Variants in NEK11 observed in about 807,000 individuals in gnomAD.
The protein encoded by NEK11 is NIMA related kinase 11.
NEK11 carries 72 observed loss-of-function variants against 80.7 expected under a neutral mutation model. The ratio of observed to expected loss-of-function variants is 0.89; its 90% CI spans 0.74 to 1.08. NEK11 has a LOEUF of 1.08. Ranked by LOEUF, NEK11 falls within the 50% of genes least tolerant of loss-of-function variation. NEK11 has a pLI of 0.00. For synonymous variants in NEK11, 251 were observed against 260.7 expected (o/e 0.96, Z 0.36); for missense variants, 764 against 763.6 (o/e 1.00, Z -0.01).
intron 14 of NEK11, among the ~76,000 whole-genome samples, chr3:131,199,664 A>G (rs1237931496): frequency 6.6e-6 from 1 of 152,132 alleles, no homozygotes; most frequent in Non-Finnish European, 1.5e-5. Context: ...TGAACAAAAA[A>G]CTACAAATAG....
intron 15 of NEK11, among the ~76,000 whole-genome samples, chr3:131,230,564 G>T (rs2095309586): frequency 6.6e-6 from 1 of 152,032 alleles, no homozygotes; most frequent in Non-Finnish European, 1.5e-5. Context: ...ACCTCTTTAT[G>T]ATACTGCCAA....
At chr3:131,274,478 G>A (rs1175967215) in intron 17 of NEK11, among the ~76,000 whole-genome samples, 18 of 151,330 alleles carry the variant, frequency 1.2e-4, no homozygotes, top group Admixed American at 7.9e-4. Flanking sequence ...ATACCCAGTA[G>A]TGGGATGGCT....
intron 3 of NEK11, among the ~76,000 whole-genome samples, chr3:131,069,556 A>C (rs1250508410): frequency 6.6e-6 from 1 of 152,114 alleles, no homozygotes; most frequent in African/African-American, 2.4e-5. Flanking sequence ...TATTCGCAAT[A>C]GCAAAGACTT....
chr3:131,197,276 G>A (rs536638406), intron 14 of NEK11, among the ~76,000 whole-genome samples: 1 of 152,254 alleles, frequency 6.6e-6, no homozygotes, highest in African/African-American at 2.4e-5. Context: ...CTGCTGAATT[G>A]GGGCGTAGTG....
At chr3:131,046,426 G>A (rs941870251) in intron 3 of NEK11, among the ~76,000 whole-genome samples, 1 of 152,126 alleles carries the variant, frequency 6.6e-6, no homozygotes, top group Non-Finnish European at 1.5e-5. Flanking sequence ...GGAGGCTAAA[G>A]ATAGGGTCCC....
intron 3 of NEK11, 37 bp downstream of exon 3, chr3:131,029,915 T>C (rs758760260): frequency 1.5e-5 from 24 of 1,596,794 alleles, no homozygotes; most frequent in Non-Finnish European, 2.1e-5. Context: ...TTGAGTAGGC[T>C]GCTTTTTGTT....
intron 16 of NEK11, among the ~76,000 whole-genome samples, chr3:131,255,066 C>CAGAAAGAAGGAAAGAA (rs1198130845): frequency 7.9e-4 from 90 of 113,734 alleles, no homozygotes; most frequent in Non-Finnish European, 1.1e-3. Flanking sequence ...GACAGACAGA[C>CAGAAAGAAGGAAAGAA]AGACAGAAAG....
At chr3:131,265,198 C>A (rs140865973) in intron 16 of NEK11, among the ~76,000 whole-genome samples, 1 of 151,972 alleles carries the variant, frequency 6.6e-6, no homozygotes, top group East Asian at 1.9e-4. Context: ...TATTTGAATA[C>A]CCTGTATTTC....
rs552888066 is a variant in NEK11 at position 131,182,417 on chromosome 3, G to A, written c.1399+11530G>A. Reference sequence around the variant, plus strand: ...TCCACTTCTGTCTTCAGGGAAGTATGTGAAGTCGCCAGCATTTATAACTCA... The same window carrying A: ...TCCACTTCTGTCTTCAGGGAAGTATATGAAGTCGCCAGCATTTATAACTCA... On this transcript the variant is annotated intron_variant, in intron 14 of 17. Transcript: ENST00000383366. 1.1e-4 allele frequency among the ~76,000 whole-genome samples: 17 copies of A among 152,306 alleles called. No individual in the cohort carries two copies. In the South Asian group the frequency reaches 3.5e-3, roughly 32 times the overall value.
At chr3:131,218,326 C>G (rs1450939061) in intron 14 of NEK11, among the ~76,000 whole-genome samples, 2 of 152,102 alleles carry the variant, frequency 1.3e-5, no homozygotes, top group East Asian at 1.9e-4. Context: ...AGGAGCTGAG[C>G]AAGGATGTGG....
At chr3:131,249,360 G>A (rs114131729) in intron 16 of NEK11, among the ~76,000 whole-genome samples, 1,581 of 152,170 alleles carry the variant, frequency 0.01, 30 homozygotes, top group African/African-American at 0.036. Context: ...CTCAACTACC[G>A]CTGAAGGCAT....
At position 131,349,916 on chromosome 3, in the gene NEK11, C is replaced by G; in HGVS notation, c.*140C>G. On this transcript the variant is annotated 3_prime_UTR_variant, in exon 18 of 18. Coordinates refer to ENST00000383366, the MANE Select transcript of NEK11 (RefSeq NM_024800.5). Reference sequence around the variant, plus strand: ...GACTTTCAATTCCTCATCAGAAGTACTGGCTTCTTTAGAGAGTAGTAAGCA... The same window carrying G: ...GACTTTCAATTCCTCATCAGAAGTAGTGGCTTCTTTAGAGAGTAGTAAGCA... The G allele has an allele frequency of 1.5e-6, 1 of 660,496 alleles. No homozygotes were observed. Among genetic ancestry groups the G allele is most frequent in the Non-Finnish European group, 2.6e-6 (1 of 387,594 alleles). The allele number at this position is 660,496 out of a possible 1,614,324, so 40.9% of individuals were successfully genotyped here. A position where few individuals can be genotyped will look rare whatever the true frequency, so the allele number is the denominator to read the frequency against.
intron 10 of NEK11, among the ~76,000 whole-genome samples, chr3:131,157,934 A>G (rs1227760836): frequency 6.6e-6 from 1 of 152,116 alleles, no homozygotes; most frequent in Non-Finnish European, 1.5e-5. Flanking sequence ...GCTGATGTGA[A>G]GTCCAGAGGG....
At chr3:131,329,385 G>A (rs965490218) in intron 17 of NEK11, 7 of 151,352 alleles carry the variant, frequency 4.6e-5, no homozygotes, top group African/African-American at 1.7e-4. Flanking sequence ...TGACTTTCAA[G>A]ACATCTACTC....
chr3:131,235,150 G>C (rs1449175017), intron 15 of NEK11, among the ~76,000 whole-genome samples: 3 of 152,162 alleles, frequency 2.0e-5, no homozygotes, highest in Non-Finnish European at 2.9e-5. Context: ...GCAAATAAAG[G>C]GACGGTGACC....
chr3:131,170,757 A>G lies in NEK11; in HGVS notation c.1285-16A>G, dbSNP rs1389915879. 1 of 1,498,890 alleles carries G rather than the reference A, an allele frequency of 6.7e-7. No individual in the cohort carries two copies. The highest frequency in any genetic ancestry group is 1.7e-5 in the Admixed American group (1 of 59,890). 92.8% of individuals were successfully genotyped at this position (1,498,890 alleles called of 1,614,324 possible). On this transcript the variant is annotated splice_polypyrimidine_tract_variant and intron_variant, in intron 13 of 17. Transcript: ENST00000383366. ...TTCTATCAGCATCTCATGAATTGTT[A>G]ATTACCTTCCACAAGGAATCTGATG... is the stretch of plus-strand genomic sequence containing the variant.
chr3:131,162,674 C>A, intron 11 of NEK11, 147 bp downstream of exon 11: 3 of 890,548 alleles, frequency 3.4e-6, no homozygotes, highest in Non-Finnish European at 5.1e-6. Flanking sequence ...TTGTTCACTC[C>A]AAGATGATTA....
intron 3 of NEK11, chr3:131,072,376 G>A (rs1293408873): frequency 6.6e-6 from 1 of 152,114 alleles, no homozygotes; most frequent in Non-Finnish European, 1.5e-5. Context: ...TTATCAGTGA[G>A]GAACATCTTT....
chr3:131,224,921 CA>C (rs1279587090), intron 14 of NEK11, among the ~76,000 whole-genome samples: 2 of 152,076 alleles, frequency 1.3e-5, no homozygotes, highest in African/African-American at 4.8e-5. Context: ...AGTGTTATTA[CA>C]ATAGAGTCAA....
Sources: gnomAD v4.1 joint callset for allele counts (sites outside exome capture counted in the v4.1 genomes callset) on GRCh38, gnomAD v4.1.1 for gene constraint, MANE v1.5 for transcripts, NCBI Gene and HGNC (gene_info 2026-07-23, HGNC 2026-07-21) for gene names.